FGF2: variants seen among roughly 807,000 people sequenced by gnomAD.
The protein encoded by FGF2 is fibroblast growth factor 2.
FGF2 carries 13 observed loss-of-function variants against 15.9 expected under a neutral mutation model. The ratio of observed to expected loss-of-function variants is 0.82; its 90% CI spans 0.53 to 1.30. FGF2 has a LOEUF of 1.30. FGF2 is among the 50% of genes most tolerant of loss of function. The pLI is 0.00. For synonymous variants in FGF2, 90 were observed against 78.4 expected, an observed-to-expected ratio of 1.15 and a Z score of -0.78; for missense variants, 163 against 196.9, an observed-to-expected ratio of 0.83 and a Z score of 1.03.
chr4:122,828,811 G>A (rs372904410), intron 1 of FGF2, among the ~76,000 whole-genome samples: 2 of 151,744 alleles, frequency 1.3e-5, no homozygotes, highest in African/African-American at 2.4e-5. Context: ...GTTAGTGCTA[G>A]TTCTCTATTC....
intron 1 of FGF2, among the ~76,000 whole-genome samples, chr4:122,838,912 G>A (rs1188503362): frequency 6.6e-6 from 1 of 152,198 alleles, no homozygotes; most frequent in Non-Finnish European, 1.5e-5. Flanking sequence ...CAGACCTCAT[G>A]TATGATGGTG....
chr4:122,870,077 T>G (rs773142418), intron 1 of FGF2, among the ~76,000 whole-genome samples: 3 of 152,262 alleles, frequency 2.0e-5, no homozygotes, highest in Non-Finnish European at 4.4e-5. Context: ...CTTTTCTGCA[T>G]CTATTGAGAT....
At chr4:122,837,995 C>T (rs1409399738) in intron 1 of FGF2, among the ~76,000 whole-genome samples, 3 of 152,102 alleles carry the variant, frequency 2.0e-5, no homozygotes, top group Non-Finnish European at 2.9e-5. Flanking sequence ...ATCTACATTA[C>T]TCTGAACTCA....
intron 1 of FGF2, among the ~76,000 whole-genome samples, chr4:122,830,806 C>T (rs963459974): frequency 9.3e-6 from 1 of 107,220 alleles, no homozygotes; most frequent in African/African-American, 3.8e-5. Flanking sequence ...ATTCCAGGTG[C>T]TCTTATTTAC....
chr4:122,880,943 A>C (rs945419352), intron 2 of FGF2, among the ~76,000 whole-genome samples: 1 of 152,096 alleles, frequency 6.6e-6, no homozygotes, highest in East Asian at 1.9e-4. Flanking sequence ...ATTTCCATAC[A>C]TCTGAAATCT....
Position 122,898,146 on chromosome 4 carries a change from TTGTA to T in FGF2, c.*5754_*5757del, listed in dbSNP as rs1447741507. On this transcript the variant is annotated 3_prime_UTR_variant, in exon 3 of 3. Transcript: ENST00000644866. ...AGATGTATTACTCTTATTATTTCTA[TTGTA>T]TGTGTTAATGATTTTATGTAAAAAT... 1.3e-5 allele frequency: 2 copies of T among 153,256 alleles called. No homozygotes were observed. Among genetic ancestry groups the T allele is most frequent in the African/African-American group, 2.4e-5 (1 of 41,484 alleles). The allele number at this position is 153,256 out of a possible 1,614,324, so 9.5% of individuals were successfully genotyped here.
intron 1 of FGF2, among the ~76,000 whole-genome samples, chr4:122,836,504 C>T (rs1299123430): frequency 2.0e-5 from 3 of 152,086 alleles, no homozygotes; most frequent in African/African-American, 7.2e-5. Context: ...AATTTTATGT[C>T]CCCCAGTTTT....
chr4:122,862,878 G>T (rs1578467180), intron 1 of FGF2, among the ~76,000 whole-genome samples: 1 of 152,170 alleles, frequency 6.6e-6, no homozygotes, highest in South Asian at 2.1e-4. Flanking sequence ...AAAGTTACCA[G>T]AAGTCTATGT....
chr4:122,852,818 T>C (rs960819653), intron 1 of FGF2, among the ~76,000 whole-genome samples: 2 of 152,238 alleles, frequency 1.3e-5, no homozygotes, highest in African/African-American at 4.8e-5. Flanking sequence ...CACATCTTTA[T>C]TATCTTACAT....
chr4:122,897,618 A>G lies in FGF2; in HGVS notation c.*5222A>G. On this transcript the variant is annotated 3_prime_UTR_variant, in exon 3 of 3. Coordinates refer to ENST00000644866, the MANE Select transcript of FGF2 (RefSeq NM_001361665.2). Reference sequence around the variant, plus strand: ...TAAGCCAATTAAAAATATAAAAGATACACACCAATATCTTCTTCAGGCTCT... The same window carrying G: ...TAAGCCAATTAAAAATATAAAAGATGCACACCAATATCTTCTTCAGGCTCT... 6.3e-7 allele frequency: 1 copy of G among 1,588,024 alleles called. No homozygotes were observed. The highest frequency in any genetic ancestry group is 8.6e-7 in the Non-Finnish European group (1 of 1,156,448).
At chr4:122,856,753 G>A (rs2150774051) in intron 1 of FGF2, among the ~76,000 whole-genome samples, 1 of 152,248 alleles carries the variant, frequency 6.6e-6, no homozygotes, top group East Asian at 1.9e-4. Context: ...CAGTAGTACA[G>A]TATCATAACC....
chr4:122,885,692 T>C (rs1727042351), intron 2 of FGF2, among the ~76,000 whole-genome samples: 1 of 152,158 alleles, frequency 6.6e-6, no homozygotes, highest in Admixed American at 6.5e-5. Flanking sequence ...TACTGATATG[T>C]TATTATTAGC....
chr4:122,845,513 T>C (rs1726091870), intron 1 of FGF2, among the ~76,000 whole-genome samples: 1 of 152,254 alleles, frequency 6.6e-6, no homozygotes, highest in Non-Finnish European at 1.5e-5. Context: ...AAATCTGTTG[T>C]TAGTGTAGCT....
At chr4:122,830,276 G>T (rs1385744411) in intron 1 of FGF2, among the ~76,000 whole-genome samples, 4 of 152,214 alleles carry the variant, frequency 2.6e-5, no homozygotes, top group Admixed American at 6.5e-5. Flanking sequence ...TGATATAAAT[G>T]ATGGGGTCCT....
At chr4:122,891,424 C>T (rs1205361931) in intron 2 of FGF2, among the ~76,000 whole-genome samples, 9 of 135,260 alleles carry the variant, frequency 6.7e-5, no homozygotes, top group South Asian at 2.3e-4. Flanking sequence ...GCCAGCTATC[C>T]TTTTTTTTTT....
chr4:122,842,819 G>A (rs1375801702), intron 1 of FGF2, among the ~76,000 whole-genome samples: 1 of 152,072 alleles, frequency 6.6e-6, no homozygotes, highest in African/African-American at 2.4e-5. Flanking sequence ...GGCTTCATCA[G>A]TTTTAAACCC....
At chr4:122,878,086 A>G (rs533774189) in intron 2 of FGF2, among the ~76,000 whole-genome samples, 1 of 152,308 alleles carries the variant, frequency 6.6e-6, no homozygotes, top group East Asian at 1.9e-4. Flanking sequence ...TTGAATATCA[A>G]ATTGTCTCTG....
chr4:122,841,429 A>G (rs1442768096), intron 1 of FGF2, among the ~76,000 whole-genome samples: 1 of 152,182 alleles, frequency 6.6e-6, no homozygotes, highest in East Asian at 1.9e-4. Flanking sequence ...ATTTCCTGAC[A>G]CTTGATGTCA....
intron 2 of FGF2, among the ~76,000 whole-genome samples, chr4:122,884,959 A>G (rs1276222724): frequency 6.6e-6 from 1 of 152,200 alleles, no homozygotes; most frequent in Non-Finnish European, 1.5e-5. Flanking sequence ...AGTGATGCCT[A>G]GAGAAGTTAA....
Sources: gnomAD v4.1 joint callset for allele counts (sites outside exome capture counted in the v4.1 genomes callset) on GRCh38, gnomAD v4.1.1 for gene constraint, MANE v1.5 for transcripts, NCBI Gene and HGNC (gene_info 2026-07-23, HGNC 2026-07-21) for gene names.